GRM5: variants seen among roughly 807,000 people sequenced by gnomAD.
The protein encoded by GRM5 is glutamate metabotropic receptor 5, also known as metabotropic glutamate receptor 5.
In GRM5, 19 loss-of-function variants were observed where a neutral mutation model predicts 83.1. The observed-to-expected ratio is 0.23, with a 90% CI of 0.16 to 0.34. The LOEUF is 0.34. Ranked by LOEUF, GRM5 falls within the 10% of genes least tolerant of loss-of-function variation. The probability of loss-of-function intolerance (pLI) is 1.00; values close to 1 mark genes in which losing one functional copy is unlikely to be tolerated. For synonymous variants in GRM5, 675 were observed against 633.6 expected (o/e 1.07, Z -0.98); for missense variants, 1,160 against 1,588.3 (o/e 0.73, Z 4.58).
intron 3 of GRM5, among the ~76,000 whole-genome samples, chr11:88,793,159 C>T (rs1354934167): frequency 6.6e-6 from 1 of 152,092 alleles, no homozygotes; most frequent in African/African-American, 2.4e-5. Context: ...AACTGAATAA[C>T]TCATATCAAT....
At chr11:88,584,304 T>C (rs944547107) in intron 7 of GRM5, among the ~76,000 whole-genome samples, 8 of 152,088 alleles carry the variant, frequency 5.3e-5, no homozygotes, top group African/African-American at 1.9e-4. Context: ...TCTTACTAGA[T>C]GATACTGCTA....
At chr11:88,804,444 C>A (rs541368949) in intron 3 of GRM5, among the ~76,000 whole-genome samples, 13 of 150,734 alleles carry the variant, frequency 8.6e-5, no homozygotes, top group Admixed American at 4.6e-4. Context: ...GAACAAAAAA[C>A]CAAACACCGC....
At chr11:88,725,595 C>T (rs1941658927) in intron 3 of GRM5, among the ~76,000 whole-genome samples, 1 of 152,176 alleles carries the variant, frequency 6.6e-6, no homozygotes, top group Non-Finnish European at 1.5e-5. Context: ...GACTGGGAGA[C>T]ACCTCCCATC....
chr11:89,014,069 G>C (rs1270924649), intron 2 of GRM5, among the ~76,000 whole-genome samples: 2 of 152,118 alleles, frequency 1.3e-5, no homozygotes, highest in Non-Finnish European at 2.9e-5. Flanking sequence ...TTGCTACATA[G>C]TCACAAGTAT....
At chr11:88,690,065 G>A (rs1354198511) in intron 3 of GRM5, among the ~76,000 whole-genome samples, 4 of 152,134 alleles carry the variant, frequency 2.6e-5, no homozygotes, top group African/African-American at 7.2e-5. Context: ...AACACAGCAA[G>A]GGAGGCGCTG....
rs1420059999 is a variant in GRM5, at chr11:88,700,571, G to A, written c.912-47168C>T. On this transcript the variant is annotated intron_variant, in intron 3 of 9. Coordinates refer to ENST00000305447, the MANE Select transcript of GRM5 (RefSeq NM_001143831.3). ...TTTGAAAGGGCAAATAACTTATTTT[G>A]ACTGAAATCAAAAGTATTTTCCATG... Among the ~76,000 whole-genome samples the A allele has an allele frequency of 3.7e-5, 4 of 109,050 alleles. No individual in the cohort carries two copies. The East Asian group carries it at 1.1e-3, about 30-fold the overall frequency. The allele number at this position is 109,050 out of a possible 152,430, so 71.5% of individuals were successfully genotyped here. A position where few individuals can be genotyped will look rare whatever the true frequency, so the allele number is the denominator to read the frequency against.
At chr11:88,781,048 G>A (rs1397505457) in intron 3 of GRM5, among the ~76,000 whole-genome samples, 1 of 150,382 alleles carries the variant, frequency 6.6e-6, no homozygotes, top group Admixed American at 6.7e-5. Flanking sequence ...CTGTACATAT[G>A]GCATATAGAG....
chr11:88,509,246 G>C lies in GRM5; in HGVS notation c.2985C>G (p.Ala995=), dbSNP rs759564171. The C allele has an allele frequency of 6.7e-7, 1 of 1,491,644 alleles. No homozygotes were observed. The highest frequency in any genetic ancestry group is 8.9e-7 in the Non-Finnish European group (1 of 1,123,994). The allele number at this position is 1,491,644 out of a possible 1,614,324, so 92.4% of individuals were successfully genotyped here. A position where few individuals can be genotyped will look rare whatever the true frequency, so the allele number is the denominator to read the frequency against. The stretch of plus-strand genomic sequence containing the variant: ...CCACATCATACAGCGCCTTGGGGCC[G>C]GCGTCTGGGGACTCGGGCCCGCCTG... The part of the protein sequence containing the change: ...AGPGGPESPD[A]GPKALYDVAE... Residue 995 remains alanine (A), a synonymous_variant, in exon 10 of 10, where the codon GCC becomes GCG. Coordinates refer to ENST00000305447, the MANE Select transcript of GRM5 (RefSeq NM_001143831.3).
chr11:89,028,727 A>C (rs1941189524), intron 2 of GRM5, among the ~76,000 whole-genome samples: 1 of 152,220 alleles, frequency 6.6e-6, no homozygotes, highest in African/African-American at 2.4e-5. Flanking sequence ...GCCTCAGTAC[A>C]TCTCTAAAAG....
At chr11:88,676,305 A>G (rs761860128) in intron 3 of GRM5, among the ~76,000 whole-genome samples, 1 of 152,020 alleles carries the variant, frequency 6.6e-6, no homozygotes, top group African/African-American at 2.4e-5. Context: ...TCAGTTTCAC[A>G]TGCATTATTT....
chr11:88,803,990 C>G (rs12222815), intron 3 of GRM5, among the ~76,000 whole-genome samples: 59,958 of 149,832 alleles, frequency 0.4, 13,498 homozygotes, highest in African/African-American at 0.6. Flanking sequence ...AATGAGATAC[C>G]ATCTCACACC....
intron 3 of GRM5, among the ~76,000 whole-genome samples, chr11:88,815,436 C>T (rs1943658962): frequency 6.6e-6 from 1 of 152,028 alleles, no homozygotes; most frequent in South Asian, 2.1e-4. Context: ...GCATTATATG[C>T]TATATTAGAA....
chr11:88,741,923 A>G (rs1317495704), intron 3 of GRM5, among the ~76,000 whole-genome samples: 1 of 151,808 alleles, frequency 6.6e-6, no homozygotes, highest in Non-Finnish European at 1.5e-5. Flanking sequence ...CCTGTTTAAT[A>G]AAAGCAAACA....
chr11:88,606,998 G>A (rs898682326), intron 4 of GRM5, among the ~76,000 whole-genome samples: 6 of 144,396 alleles, frequency 4.2e-5, no homozygotes, highest in African/African-American at 1.3e-4. Flanking sequence ...AAGGTAGTAT[G>A]TTGTTTTATG....
At chr11:89,064,763 C>A (rs1305112797) in intron 1 of GRM5, among the ~76,000 whole-genome samples, 1 of 151,138 alleles carries the variant, frequency 6.6e-6, no homozygotes, top group Non-Finnish European at 1.5e-5. Flanking sequence ...GATGCCAAAC[C>A]CGATCACCCT....
At chr11:88,915,774 A>G (rs1195975670) in intron 2 of GRM5, among the ~76,000 whole-genome samples, 4 of 152,146 alleles carry the variant, frequency 2.6e-5, no homozygotes, top group African/African-American at 9.6e-5. Flanking sequence ...CACTACCAAC[A>G]TCTTCTAACT....
chr11:89,048,371 A>T (rs1941686356), intron 1 of GRM5, among the ~76,000 whole-genome samples: 1 of 152,190 alleles, frequency 6.6e-6, no homozygotes, highest in Non-Finnish European at 1.5e-5. Flanking sequence ...GGCAGAGATG[A>T]CAGAGCATCC....
At chr11:88,971,049 G>A (rs773762354) in intron 2 of GRM5, among the ~76,000 whole-genome samples, 1 of 151,488 alleles carries the variant, frequency 6.6e-6, no homozygotes, top group South Asian at 2.1e-4. Context: ...AACAACGGCA[G>A]GACTGAATAA....
chr11:88,800,667 T>C (rs1053847213), intron 3 of GRM5, among the ~76,000 whole-genome samples: 2 of 152,128 alleles, frequency 1.3e-5, no homozygotes, highest in African/African-American at 4.8e-5. Context: ...AGGGACATTA[T>C]GATATGATGG....
Sources: allele counts gnomAD v4.1 joint callset (sites outside exome capture counted in the v4.1 genomes callset), GRCh38; gene constraint gnomAD v4.1.1; transcripts MANE v1.5; gene names NCBI Gene and HGNC (gene_info 2026-07-23, HGNC 2026-07-21).